SCYL2: variants seen among roughly 807,000 people sequenced by gnomAD.
The protein encoded by SCYL2 is SCY1 like pseudokinase 2.
In SCYL2, 36 loss-of-function variants were observed where a neutral mutation model predicts 100.4. The observed-to-expected ratio is 0.36, with a 90% confidence interval of 0.27 to 0.47. The LOEUF (loss-of-function observed/expected upper bound fraction) is 0.47. SCYL2 is among the 20% of genes least tolerant of loss of function. The pLI, the probability that SCYL2 is intolerant of heterozygous loss-of-function variation, is 1.00. For missense variants in SCYL2, 902 were observed against 1,083.9 expected, an observed-to-expected ratio of 0.83 and a Z score of 2.36; for synonymous variants, 330 against 359.2, an observed-to-expected ratio of 0.92 and a Z score of 0.92.
chr12:100,339,032 A>T lies in SCYL2; in HGVS notation c.2650A>T (p.Thr884Ser). Residue 884 changes from threonine (T) to serine (S), a missense_variant, in exon 18 of 18, where the codon ACA (threonine) becomes TCA (serine). Thr to Ser is a moderately conservative substitution (Grantham distance 58, BLOSUM62 1). Coordinates refer to ENST00000360820, the MANE Select transcript of SCYL2 (RefSeq NM_017988.6). ...AACTATGGGCAGTTCAGTAATGGGG[A>T]CACAGATGAACGTGATAGGACAATC... Reference protein sequence around the residue: ...SPTMGSSVMGTQMNVIGQSAF... With the variant: ...SPTMGSSVMGSQMNVIGQSAF... 6.2e-7 allele frequency: 1 copy of T among 1,614,174 alleles called. No individual in the cohort carries two copies. Among genetic ancestry groups the T allele is most frequent in the South Asian group, 1.1e-5 (1 of 91,088 alleles).
Position 100,338,720 on chromosome 12 carries a change from C to G in SCYL2, c.2338C>G (p.Gln780Glu), listed in dbSNP as rs1952313172. 6.2e-7 allele frequency: 1 copy of G among 1,613,972 alleles called. No individual in the cohort carries two copies. The highest frequency in any genetic ancestry group is 8.5e-7 in the Non-Finnish European group (1 of 1,179,970). Residue 780 changes from glutamine (Q) to glutamate (E), a missense_variant, in exon 18 of 18, where the codon CAG becomes GAG. By Grantham distance (29) the Gln-to-Glu change is conservative. Coordinates refer to ENST00000360820, the MANE Select transcript of SCYL2 (RefSeq NM_017988.6). ...TGGCCTAAATGCCAATATGGGCTTT[C>G]AGACTTCAGGATTCAACATGCCCGT... is the stretch of plus-strand genomic sequence containing the variant. ...TNGLNANMGF[Q>E]TSGFNMPVNT... is the part of the protein sequence containing the mutation.
chr12:100,294,152 G>A (rs1308447258), intron 3 of SCYL2, among the ~76,000 whole-genome samples: 7 of 139,092 alleles, frequency 5.0e-5, no homozygotes, highest in South Asian at 4.6e-4. Flanking sequence ...CTGGCCGGGC[G>A]GGGGGCTGAC....
chr12:100,322,111 G>A lies in SCYL2; in HGVS notation c.1396-1414G>A, dbSNP rs372102825. 2.8e-4 allele frequency among the ~76,000 whole-genome samples: 42 copies of A among 150,224 alleles called. No homozygotes were observed. In the East Asian group the frequency reaches 6.6e-3, roughly 24 times the overall value. ...AAAAGGGCCGGGCGCGGTGGCTCAC[G>A]CCTGTAATCCCAGCACTTTGGGAGG... On this transcript the variant is annotated intron_variant, in intron 10 of 17. Coordinates refer to ENST00000360820, the MANE Select transcript of SCYL2 (RefSeq NM_017988.6).
At chr12:100,324,096 T>A (rs2096359187) in intron 11 of SCYL2, among the ~76,000 whole-genome samples, 1 of 152,132 alleles carries the variant, frequency 6.6e-6, no homozygotes, top group Non-Finnish European at 1.5e-5. Flanking sequence ...AGCAATAAAT[T>A]AATGTGAATA....
chr12:100,275,457 A>G (rs1445411855), intron 1 of SCYL2, among the ~76,000 whole-genome samples: 1 of 152,168 alleles, frequency 6.6e-6, no homozygotes, highest in Non-Finnish European at 1.5e-5. Context: ...CAGCCTCCCA[A>G]GGTGCTGGGA....
rs117883090 is a variant in SCYL2, at chr12:100,268,134, C to T, written c.-29+342C>T. 2.2e-3 allele frequency among the ~76,000 whole-genome samples: 331 copies of T among 152,328 alleles called. 4 individuals carry two copies. The East Asian group carries it at 0.036, about 17-fold the overall frequency. On this transcript the variant is annotated intron_variant, in intron 1 of 17. Coordinates refer to ENST00000360820, the MANE Select transcript of SCYL2 (RefSeq NM_017988.6). ...GGCACTCGAGGAGGCTCCAGACAAG[C>T]TGCTTAAAAGCGCTATGCCTGTAGT...
chr12:100,296,466 G>A (rs1227492088), intron 3 of SCYL2, among the ~76,000 whole-genome samples: 1 of 152,176 alleles, frequency 6.6e-6, no homozygotes, highest in Non-Finnish European at 1.5e-5. Context: ...ACCTTGAAAT[G>A]TAGGGAAAAC....
At chr12:100,310,993 A>G (rs368286886) in intron 4 of SCYL2, 51 bp from the exon 5 acceptor site, 215 of 1,402,144 alleles carry the variant, frequency 1.5e-4, no homozygotes, top group Non-Finnish European at 2.0e-4. Flanking sequence ...ACATTTTATT[A>G]TAATTGAAAG....
At chr12:100,291,012 T>G (rs1236244889) in intron 2 of SCYL2, among the ~76,000 whole-genome samples, 2 of 152,028 alleles carry the variant, frequency 1.3e-5, no homozygotes, top group African/African-American at 4.8e-5. Context: ...CCTAACAAGA[T>G]GGGGGATAGG....
At chr12:100,269,252 G>C (rs1199520958) in intron 1 of SCYL2, among the ~76,000 whole-genome samples, 2 of 151,908 alleles carry the variant, frequency 1.3e-5, no homozygotes, top group Non-Finnish European at 2.9e-5. Flanking sequence ...TAGTCACCCT[G>C]TCTTTTCTGT....
chr12:100,332,840 A>C (rs1952228312), intron 13 of SCYL2, among the ~76,000 whole-genome samples: 1 of 150,958 alleles, frequency 6.6e-6, no homozygotes, highest in East Asian at 1.9e-4. Context: ...TCAGCCTCCC[A>C]AGTAGCTAGG....
chr12:100,309,138 G>A (rs936640050), intron 4 of SCYL2, among the ~76,000 whole-genome samples: 60 of 151,844 alleles, frequency 4.0e-4, no homozygotes, highest in African/African-American at 1.3e-3. Context: ...GTGTGTGCGC[G>A]CGCGTGTGTG....
chr12:100,270,176 C>T (rs1194552947), intron 1 of SCYL2, among the ~76,000 whole-genome samples: 7 of 151,946 alleles, frequency 4.6e-5, no homozygotes, highest in Non-Finnish European at 8.8e-5. Context: ...TTAGTAGAGA[C>T]GGCGTTTCAC....
intron 2 of SCYL2, among the ~76,000 whole-genome samples, chr12:100,289,348 T>G (rs1277118834): frequency 2.0e-5 from 3 of 152,166 alleles, no homozygotes; most frequent in Non-Finnish European, 4.4e-5. Context: ...AAAAATATAG[T>G]CCTGTGGACT....
chr12:100,294,094 A>G (rs2096313962), intron 3 of SCYL2, among the ~76,000 whole-genome samples: 1 of 147,256 alleles, frequency 6.8e-6, no homozygotes, highest in Non-Finnish European at 1.5e-5. Context: ...CTCACTTCCC[A>G]GTAGGGGCGG....
chr12:100,307,103 C>T (rs1354133021), intron 4 of SCYL2, among the ~76,000 whole-genome samples: 2 of 152,164 alleles, frequency 1.3e-5, no homozygotes, highest in Non-Finnish European at 2.9e-5. Context: ...CTATCCCCAT[C>T]AAGCTACCAC....
chr12:100,299,917 C>G (rs1016206148), intron 4 of SCYL2, among the ~76,000 whole-genome samples: 2 of 152,170 alleles, frequency 1.3e-5, no homozygotes, highest in African/African-American at 4.8e-5. Context: ...GTGTATGATT[C>G]ACTTTTTAAG....
chr12:100,308,298 T>C (rs1592951767), intron 4 of SCYL2, among the ~76,000 whole-genome samples: 1 of 152,192 alleles, frequency 6.6e-6, no homozygotes, highest in African/African-American at 2.4e-5. Flanking sequence ...CATGGAATAC[T>C]ATGCAGCCAT....
chr12:100,287,965 TTTC>T (rs2096306232), intron 2 of SCYL2, among the ~76,000 whole-genome samples: 1 of 152,224 alleles, frequency 6.6e-6, no homozygotes, highest in Non-Finnish European at 1.5e-5. Flanking sequence ...ACGTTGTTTC[TTTC>T]TTCAAGAGGA....
Sources: gnomAD v4.1 joint callset for allele counts (sites outside exome capture counted in the v4.1 genomes callset) on GRCh38, gnomAD v4.1.1 for gene constraint, MANE v1.5 for transcripts, NCBI Gene and HGNC (gene_info 2026-07-23, HGNC 2026-07-21) for gene names.